SMTN: variants seen among roughly 807,000 people sequenced by gnomAD.
SMTN encodes smoothelin.
A neutral mutation model predicts 102.0 loss-of-function variants in SMTN; 58 were observed. The ratio of observed to expected loss-of-function variants is 0.57; its 90% CI spans 0.46 to 0.71. The LOEUF is 0.71. SMTN is among the 30% of genes least tolerant of loss of function. The pLI is 0.00. For synonymous variants in SMTN, 478 were observed against 497.9 expected, an observed-to-expected ratio of 0.96 and a Z score of 0.53; for missense variants, 1,185 against 1,241.7, an observed-to-expected ratio of 0.95 and a Z score of 0.69.
chr22:31,103,189 G>C (rs2044234256), intron 20 of SMTN: 1 of 152,196 alleles, frequency 6.6e-6, no homozygotes, highest in Admixed American at 6.5e-5. Flanking sequence ...TGTCCATAAG[G>C]GCACGAGATG....
chr22:31,084,871 C>T, intron 2 of SMTN: 2 of 1,015,662 alleles, frequency 2.0e-6, no homozygotes, highest in Non-Finnish European at 2.6e-6. Flanking sequence ...ATTACTGCGC[C>T]CCGCGCGCCG....
Position 31,089,886 on chromosome 22 carries a change from C to A in SMTN, c.659C>A (p.Pro220His). 1.9e-6 allele frequency: 3 copies of A among 1,613,796 alleles called. No homozygotes were observed. Among genetic ancestry groups the A allele is most frequent in the Non-Finnish European group, 2.5e-6 (3 of 1,179,906 alleles). The change falls in exon 7 of 21, where the codon CCT (proline) becomes CAT (histidine). Residue 220 changes from proline to histidine, a missense_variant. Coordinates refer to ENST00000333137, the MANE Select transcript of SMTN (RefSeq NM_134269.3). The part of the protein sequence containing the change: ...TPASPEPPLE[P>H]AEAQCLTAEV... The stretch of plus-strand genomic sequence containing the variant: ...GCCTCTCCTGAGCCTCCATTGGAGC[C>A]TGCCGAGGCCCAGTGCCTTACAGCT...
At chr22:31,088,823 C>G in intron 5 of SMTN, 46 bp downstream of exon 5, 4 of 1,606,196 alleles carry the variant, frequency 2.5e-6, no homozygotes, top group Non-Finnish European at 3.4e-6. Flanking sequence ...TGTCTGCTGT[C>G]CACAGCACCT....
rs5753452 is a variant in SMTN at position 31,074,586 on chromosome 22, T to G, written c.-385-5864T>G. On this transcript the variant is annotated intron_variant, in intron 1 of 3. Transcript: ENST00000422839. ...GGGCGGATCACCTGAGGTCAGGAGT[T>G]CAAGACTAGCCTGGACAACATGGTG... is the stretch of plus-strand genomic sequence containing the variant. Among the ~76,000 whole-genome samples, 3,393 of 152,204 alleles carry G rather than the reference T, an allele frequency of 0.022. 320 individuals carry two copies. In the East Asian group the frequency reaches 0.34, roughly 15 times the overall value.
chr22:31,073,457 A>C (rs2042056526), intron 1 of SMTN, among the ~76,000 whole-genome samples: 1 of 152,190 alleles, frequency 6.6e-6, no homozygotes, highest in Non-Finnish European at 1.5e-5. Context: ...AAGGCAGTTA[A>C]GTGTGGATGT....
chr22:31,095,947 C>T lies in SMTN; in HGVS notation c.1861+338C>T, dbSNP rs1166077755. The T allele has an allele frequency of 2.6e-6, 1 of 386,114 alleles. No individual in the cohort carries two copies. The highest frequency in any genetic ancestry group is 6.2e-5 in the East Asian group (1 of 16,214). 23.9% of individuals were successfully genotyped at this position (386,114 alleles called of 1,614,324 possible). On this transcript the variant is annotated intron_variant, in intron 13 of 20. Transcript: ENST00000333137. The surrounding 1 kb of genome is among the most constrained non-coding windows in gnomAD (Gnocchi z 4.1). ...CCTTCCCTGAATCCAGATACTCCTT[C>T]TCCCTGCTGCTCCTCTCTCCCTGAA...
At chr22:31,090,496 C>T (rs968127067) in intron 8 of SMTN, among the ~76,000 whole-genome samples, 1 of 152,168 alleles carries the variant, frequency 6.6e-6, no homozygotes, top group African/African-American at 2.4e-5. Flanking sequence ...GGCTGTCCCC[C>T]CTCCCCATCT....
At chr22:31,078,261 C>G (rs772177728), upstream of SMTN, among the ~76,000 whole-genome samples, 1 of 152,176 alleles carries the variant, frequency 6.6e-6, no homozygotes, top group African/African-American at 2.4e-5. Context: ...TCTGAAGGAC[C>G]CTGACTGGGT....
At chr22:31,073,275 G>A (rs1362204647) in intron 1 of SMTN, among the ~76,000 whole-genome samples, 5 of 152,108 alleles carry the variant, frequency 3.3e-5, no homozygotes, top group South Asian at 4.2e-4. Context: ...ACGCATGCAC[G>A]CATGCACGCC....
rs1420047699 is a variant in SMTN at position 31,096,783 on chromosome 22, C to G, written c.1912C>G (p.Pro638Ala). The change falls in exon 14 of 21, where the codon CCA becomes GCA. Residue 638 changes from proline (P) to alanine (A), a missense_variant. Transcript: ENST00000333137. ...GCGGCTGCAGGAGGCACGGGGCCGG[C>G]CAGGGGAGGGGCGCGGCAACACAGC... ...ERRLQEARGR[P>A]GEGRGNTATE... is the part of the protein sequence containing the mutation. The G allele has an allele frequency of 6.4e-7, 1 of 1,565,230 alleles. No homozygotes were observed. The highest frequency in any genetic ancestry group is 2.2e-5 in the East Asian group (1 of 44,490).
chr22:31,071,354 C>T (rs186326891), intron 1 of SMTN, among the ~76,000 whole-genome samples: 4 of 151,756 alleles, frequency 2.6e-5, no homozygotes, highest in Non-Finnish European at 4.4e-5. Context: ...TCAGCTGGAG[C>T]GGGCATCATG....
rs1202842951 is a variant in SMTN at position 31,091,326 on chromosome 22, G to A, written c.1303G>A (p.Ala435Thr). 2 of 1,605,876 alleles carry A rather than the reference G, an allele frequency of 1.2e-6. No individual in the cohort carries two copies. The highest frequency in any genetic ancestry group is 2.2e-5 in the East Asian group (1 of 44,784). ...PLENRAGGPV[A>T]RSEEPGAPLP... Reference sequence around the variant, plus strand: ...TGAAAACAGAGCAGGGGGGCCTGTGGCACGTTCAGAGGAGCCTGGTGCCCC... The same window carrying A: ...TGAAAACAGAGCAGGGGGGCCTGTGACACGTTCAGAGGAGCCTGGTGCCCC... Residue 435 changes from alanine to threonine, a missense_variant, in exon 10 of 21, where the codon GCA becomes ACA. Around this residue, in one of 2 missense-constraint regions of SMTN, gnomAD observed 1,096 missense variants for 1,112.7 expected, o/e 0.98. Coordinates refer to ENST00000333137, the MANE Select transcript of SMTN (RefSeq NM_134269.3).
upstream of SMTN, among the ~76,000 whole-genome samples, chr22:31,079,832 C>T (rs941718551): frequency 7.2e-5 from 11 of 152,192 alleles, no homozygotes; most frequent in East Asian, 1.5e-3. Context: ...GGCACAATCT[C>T]GGCTCACTGC....
chr22:31,083,244 C>T lies in SMTN; in HGVS notation c.-15C>T. 6.3e-7 allele frequency: 1 copy of T among 1,598,424 alleles called. No individual in the cohort carries two copies. The highest frequency in any genetic ancestry group is 8.5e-7 in the Non-Finnish European group (1 of 1,174,718). On this transcript the variant is annotated 5_prime_UTR_variant, in exon 2 of 21. Coordinates refer to ENST00000333137, the MANE Select transcript of SMTN (RefSeq NM_134269.3). ...TCTCACCAGAAAGGAACCGACGGAG[C>T]TAGGGGCCAGCGAGATGGCGGACGA...
intron 11 of SMTN, chr22:31,093,455 G>C (rs919858422): frequency 1.8e-6 from 1 of 569,420 alleles, no homozygotes; most frequent in South Asian, 1.8e-5. Context: ...ACCATGCCGG[G>C]GGTACCAGGG....
rs1434579348 is a variant in SMTN, at chr22:31,088,698, G to C, written c.295-1G>C. ...ACCCGCGACCTGTCTCTTACCCACA[G>C]TTGCGAAGCGCTGGTGAGTATGAGG... On this transcript the variant is annotated splice_acceptor_variant, in intron 4 of 20. Coordinates refer to ENST00000333137, the MANE Select transcript of SMTN (RefSeq NM_134269.3). LOFTEE classifies it high-confidence loss of function. 1 of 1,613,920 alleles carries C rather than the reference G, an allele frequency of 6.2e-7. No homozygotes were observed. The highest frequency in any genetic ancestry group is 1.3e-5 in the African/African-American group (1 of 75,048).
chr22:31,104,303 C>T lies in SMTN; in HGVS notation c.*21-13C>T, dbSNP rs201128912. On this transcript the variant is annotated splice_polypyrimidine_tract_variant and intron_variant, in intron 20 of 20. Transcript: ENST00000333137. ...CTGGCGCTGACATCCAACCCCGTGCCCCCTCCCTGCAGGATGCTGGTGGAC... is the reference window on the plus strand; with the variant it reads ...CTGGCGCTGACATCCAACCCCGTGCTCCCTCCCTGCAGGATGCTGGTGGAC... 3.1e-6 allele frequency: 5 copies of T among 1,613,422 alleles called. No individual in the cohort carries two copies. The highest frequency in any genetic ancestry group is 4.2e-6 in the Non-Finnish European group (5 of 1,179,608).
At chr22:31,101,324 T>A (rs988733292) in intron 20 of SMTN, 28 of 393,574 alleles carry the variant, frequency 7.1e-5, no homozygotes, top group African/African-American at 5.0e-4. Context: ...CTGAAAAAAG[T>A]GCAAACTAAG....
At chr22:31,100,041 GT>G in intron 19 of SMTN, 145 bp downstream of exon 19, 1 of 792,428 alleles carries the variant, frequency 1.3e-6, no homozygotes, top group South Asian at 1.8e-5. Flanking sequence ...GAGAGTCCCC[GT>G]CCTTCTCCAT....
Sources: allele counts gnomAD v4.1 joint callset (sites outside exome capture counted in the v4.1 genomes callset), GRCh38; gene constraint gnomAD v4.1.1; regional missense constraint gnomAD v4.1.1; non-coding constraint Gnocchi (gnomAD v3.1); transcripts MANE v1.5; gene names NCBI Gene and HGNC (gene_info 2026-07-23, HGNC 2026-07-21).